The following MCTS1 variants were observed in gnomAD, a reference collection of about 807,000 sequenced individuals.
MCTS1 encodes MCTS1 re-initiation and release factor.
For synonymous variants in MCTS1, 26 were observed against 40.8 expected (o/e 0.64, Z 1.38); for missense variants, 55 against 128.6 (o/e 0.43, Z 2.77).
At position 120,619,403 on chromosome X, in the gene MCTS1, T is replaced by C. The variant is rs1002181928; in HGVS notation, c.*7139T>C. ...CTACCATGTGCACAAGCTCTACTTA[T>C]ATATCTTGCTTAATCTTAGCAATGA... On this transcript the variant is annotated 3_prime_UTR_variant, in exon 6 of 6. Transcript: ENST00000371317. Among the ~76,000 whole-genome samples, 10 of 110,698 alleles carry C rather than the reference T, an allele frequency of 9.0e-5. No homozygotes were observed. The highest frequency in any genetic ancestry group is 1.9e-4 in the Non-Finnish European group (10 of 52,893).
rs965195538 is a variant in MCTS1 at position 120,619,894 on chromosome X, A to G, written c.*7630A>G. Among the ~76,000 whole-genome samples, 1 of 112,128 alleles carries G rather than the reference A, an allele frequency of 8.9e-6. No homozygotes were observed. ...CAAGCCAGGTGATTTGTGACCATTT[A>G]AATGTTATGCTATTTCAAAGTCTTC... On this transcript the variant is annotated 3_prime_UTR_variant, in exon 6 of 6. Coordinates refer to ENST00000371317, the MANE Select transcript of MCTS1 (RefSeq NM_014060.3).
Position 120,612,575 on chromosome X carries a change from A to G in MCTS1, c.*311A>G, listed in dbSNP as rs775037906. On this transcript the variant is annotated 3_prime_UTR_variant, in exon 6 of 6. Coordinates refer to ENST00000371317, the MANE Select transcript of MCTS1 (RefSeq NM_014060.3). ...GATTGCCATTTTATGGTAGACCTCT[A>G]GAGAAACTGTCTAGTTAAATGGGGC... 7.5e-5 allele frequency: 14 copies of G among 185,595 alleles called. No homozygotes were observed. Among genetic ancestry groups the G allele is most frequent in the Non-Finnish European group, 8.7e-5 (9 of 103,012 alleles). 15.3% of individuals were successfully genotyped at this position (185,595 alleles called of 1,213,427 possible). A position where few individuals can be genotyped will look rare whatever the true frequency, so the allele number is the denominator to read the frequency against.
Position 120,612,125 on chromosome X carries a change from C to T in MCTS1, c.465-58C>T, listed in dbSNP as rs908974577. 156 of 838,741 alleles carry T rather than the reference C, an allele frequency of 1.9e-4. 1 individual carries two copies. The highest frequency in any genetic ancestry group is 2.6e-4 in the Non-Finnish European group (146 of 571,558). 69.1% of individuals were successfully genotyped at this position (838,741 alleles called of 1,213,427 possible). On this transcript the variant is annotated intron_variant, in intron 5 of 5. Coordinates refer to ENST00000371317, the MANE Select transcript of MCTS1 (RefSeq NM_014060.3). ...AATATACTTTGAATTATATTTATCA[C>T]GAGTAAGACTATAAAAATGCATAAA...
chrX:120,613,633 C>T lies in MCTS1; in HGVS notation c.*1369C>T, dbSNP rs183532906. Among the ~76,000 whole-genome samples the T allele has an allele frequency of 1.8e-5, 2 of 112,220 alleles. No individual in the cohort carries two copies. Among genetic ancestry groups the T allele is most frequent in the African/African-American group, 6.5e-5 (2 of 30,913 alleles). On this transcript the variant is annotated 3_prime_UTR_variant, in exon 6 of 6. Transcript: ENST00000371317. Reference sequence around the variant, plus strand: ...ATTCTGGATTTTGTTGATTGTATCACTGTGAAGTCATTAACTTGTTTTTAT... The same window carrying T: ...ATTCTGGATTTTGTTGATTGTATCATTGTGAAGTCATTAACTTGTTTTTAT...
chrX:120,606,784 CAAAAAAAA>C (rs763945946), intron 3 of MCTS1, among the ~76,000 whole-genome samples: 2 of 38,516 alleles, frequency 5.2e-5, no homozygotes, highest in Non-Finnish European at 9.2e-5. Flanking sequence ...GACTTAGTCT[CAAAAAAAA>C]AAAAAAAAAA....
rs1384373576 is a variant in MCTS1 at position 120,619,501 on chromosome X, GGA to G, written c.*7238_*7239del. ...GGCTCAGAGAGGTCATACAACTTCAGGAAAGTTGTATGACCTCTCTGAGGTAA... is the reference window on the plus strand; with the variant it reads ...GGCTCAGAGAGGTCATACAACTTCAGAAGTTGTATGACCTCTCTGAGGTAA... On this transcript the variant is annotated 3_prime_UTR_variant, in exon 6 of 6. Coordinates refer to ENST00000371317, the MANE Select transcript of MCTS1 (RefSeq NM_014060.3). Among the ~76,000 whole-genome samples, 1 of 108,826 alleles carries G rather than the reference GGA, an allele frequency of 9.2e-6. No individual in the cohort carries two copies. The highest frequency in any genetic ancestry group is 4.8e-3 in the Middle Eastern group (1 of 208). The allele number at this position is 108,826 out of a possible 115,157, so 94.5% of individuals were successfully genotyped here. A position where few individuals can be genotyped will look rare whatever the true frequency, so the allele number is the denominator to read the frequency against.
chrX:120,608,957 G>A (rs1169782338), intron 4 of MCTS1, among the ~76,000 whole-genome samples: 1 of 111,926 alleles, frequency 8.9e-6, no homozygotes, highest in Non-Finnish European at 1.9e-5. Context: ...CAGAGTCCCA[G>A]ATGGTCCTTA....
chrX:120,607,298 G>A (rs1926567306), intron 3 of MCTS1, among the ~76,000 whole-genome samples: 1 of 111,345 alleles, frequency 9.0e-6, no homozygotes, highest in East Asian at 2.8e-4. Flanking sequence ...TAGGGTATCT[G>A]TCACCTCAAA....
chrX:120,614,959 C>A lies in MCTS1; in HGVS notation c.*2695C>A, dbSNP rs941490053. Among the ~76,000 whole-genome samples, 11 of 111,981 alleles carry A rather than the reference C, an allele frequency of 9.8e-5. No individual in the cohort carries two copies. Among genetic ancestry groups the A allele is most frequent in the African/African-American group, 3.6e-4 (11 of 30,821 alleles). ...CTTTTTAAATATTCAACATCAACAT[C>A]TGTGCTTGTTTTTCTACTGTGCTGA... is the stretch of plus-strand genomic sequence containing the variant. On this transcript the variant is annotated 3_prime_UTR_variant, in exon 6 of 6. Transcript: ENST00000371317.
intron 4 of MCTS1, among the ~76,000 whole-genome samples, chrX:120,610,486 G>A (rs1280722544): frequency 9.0e-6 from 1 of 111,547 alleles, no homozygotes; most frequent in Non-Finnish European, 1.9e-5. Flanking sequence ...GGTGGCACAC[G>A]CCTGTAGCAC....
rs1441712453 is a variant in MCTS1, at chrX:120,620,220, G to A, written c.*7956G>A. Among the ~76,000 whole-genome samples, 5 of 109,758 alleles carry A rather than the reference G, an allele frequency of 4.6e-5. No individual in the cohort carries two copies. The highest frequency in any genetic ancestry group is 2.9e-4 in the East Asian group (1 of 3,471). On this transcript the variant is annotated 3_prime_UTR_variant, in exon 6 of 6. Transcript: ENST00000371317. ...CTACTCGGGAGGCTGAGGCAGGAGA[G>A]TGGCATGAACCCGGGAGGCGGAGCT...
Position 120,612,217 on chromosome X carries a change from A to G in MCTS1, c.499A>G (p.Ile167Val). ...CAACAAAGGAATTGGCATTGAAAAT[A>G]TCCATTATTTAAATGATGGGCTGTG... ...KVNKGIGIENIHYLNDGLWHM... is the reference protein window; with the variant it reads ...KVNKGIGIENVHYLNDGLWHM... Residue 167 changes from isoleucine (I) to valine (V), a missense_variant, in exon 6 of 6, where the codon ATC becomes GTC. By Grantham distance (29) the Ile-to-Val change is conservative. Coordinates refer to ENST00000371317, the MANE Select transcript of MCTS1 (RefSeq NM_014060.3). 8.3e-7 allele frequency: 1 copy of G among 1,207,902 alleles called. No homozygotes were observed. Among genetic ancestry groups the G allele is most frequent in the East Asian group, 3.0e-5 (1 of 33,771 alleles).
chrX:120,612,918 C>A lies in MCTS1; in HGVS notation c.*654C>A, dbSNP rs1043440566. On this transcript the variant is annotated 3_prime_UTR_variant, in exon 6 of 6. Transcript: ENST00000371317. ...AGACATCCTATCATTTCATCCATAA[C>A]TACTTTATTCTTTTTTTTTTTTTTT... 6.2e-4 allele frequency among the ~76,000 whole-genome samples: 64 copies of A among 103,458 alleles called. No homozygotes were observed. Among genetic ancestry groups the A allele is most frequent in the Non-Finnish European group, 4.2e-4 (21 of 50,269 alleles). 89.8% of individuals were successfully genotyped at this position (103,458 alleles called of 115,157 possible).
chrX:120,611,298 G>A, intron 5 of MCTS1: 5 of 346,359 alleles, frequency 1.4e-5, no homozygotes, highest in Non-Finnish European at 2.5e-5. Flanking sequence ...GAACCCATGT[G>A]CCAACACAGC....
Position 120,618,806 on chromosome X carries a change from G to A in MCTS1, c.*6542G>A, listed in dbSNP as rs1316968248. ...TTGTATTTTGTAAAGTGTCTGAAAA[G>A]GAGTCCACAAAGTATTTCTGCTTTC... is the stretch of plus-strand genomic sequence containing the variant. On this transcript the variant is annotated 3_prime_UTR_variant, in exon 6 of 6. Coordinates refer to ENST00000371317, the MANE Select transcript of MCTS1 (RefSeq NM_014060.3). Among the ~76,000 whole-genome samples, 2 of 112,300 alleles carry A rather than the reference G, an allele frequency of 1.8e-5. No individual in the cohort carries two copies. Among genetic ancestry groups the A allele is most frequent in the Non-Finnish European group, 3.8e-5 (2 of 53,309 alleles).
At chrX:120,606,784 CAAAAAAAAAAAAAA>C (rs763945946) in intron 3 of MCTS1, among the ~76,000 whole-genome samples, 4 of 38,516 alleles carry the variant, frequency 1.0e-4, no homozygotes, top group Non-Finnish European at 1.8e-4. Flanking sequence ...GACTTAGTCT[CAAAAAAAAAAAAAA>C]AAAAAAAAAG....
Position 120,621,058 on chromosome X carries a change from TAATA to T in MCTS1, c.*8800_*8803del, listed in dbSNP as rs1482032912. 1.8e-5 allele frequency: 2 copies of T among 112,119 alleles called. No individual in the cohort carries two copies. The highest frequency in any genetic ancestry group is 3.2e-5 in the African/African-American group (1 of 30,845). The allele number at this position is 112,119 out of a possible 1,213,427, so 9.2% of individuals were successfully genotyped here. ...AAATACACCCTGGATTTCAAAGACTTAATAAATAATGTAAATTATCTATTCTTTC... is the reference window on the plus strand; with the variant it reads ...AAATACACCCTGGATTTCAAAGACTTAATAATGTAAATTATCTATTCTTTC... On this transcript the variant is annotated 3_prime_UTR_variant, in exon 6 of 6. Coordinates refer to ENST00000371317, the MANE Select transcript of MCTS1 (RefSeq NM_014060.3).
rs1373729647 is a variant in MCTS1, at chrX:120,613,610, T to C, written c.*1346T>C. 8.9e-6 allele frequency among the ~76,000 whole-genome samples: 1 copy of C among 112,497 alleles called. No homozygotes were observed. Among genetic ancestry groups the C allele is most frequent in the Non-Finnish European group, 1.9e-5 (1 of 53,342 alleles). On this transcript the variant is annotated 3_prime_UTR_variant, in exon 6 of 6. Transcript: ENST00000371317. ...TTGTCTTTAAAGTTTCCACACATATTCTGGATTTTGTTGATTGTATCACTG... is the reference window on the plus strand; with the variant it reads ...TTGTCTTTAAAGTTTCCACACATATCCTGGATTTTGTTGATTGTATCACTG...
chrX:120,604,377 A>G (rs994605311), intron 1 of MCTS1, 130 bp downstream of exon 1: 15 of 878,489 alleles, frequency 1.7e-5, no homozygotes, highest in African/African-American at 4.0e-5. Context: ...AAGGTTTTCT[A>G]TAGTACTATG....
Sources: gnomAD v4.1 joint callset for allele counts (sites outside exome capture counted in the v4.1 genomes callset) on GRCh38, gnomAD v4.1.1 for gene constraint, MANE v1.5 for transcripts, NCBI Gene and HGNC (gene_info 2026-07-23, HGNC 2026-07-21) for gene names.